Variants in ZNF407 observed in about 807,000 individuals in gnomAD.
ZNF407 encodes zinc finger protein 407.
A neutral mutation model predicts 131.2 loss-of-function variants in ZNF407; 17 were observed. The ratio of observed to expected loss-of-function variants is 0.13; its 90% CI spans 0.09 to 0.19. ZNF407 has a LOEUF of 0.19. ZNF407 is among the 10% of genes least tolerant of loss of function. The pLI is 1.00. For missense variants in ZNF407, 2,681 were observed against 2,830.6 expected (o/e 0.95, Z 1.20); for synonymous variants, 1,156 against 1,062.0 (o/e 1.09, Z -1.72).
rs60849247 is a variant in ZNF407, at chr18:74,777,221, AT to A, written c.4803-4196del. On this transcript the variant is annotated intron_variant, in intron 3 of 8. Coordinates refer to ENST00000299687, the MANE Select transcript of ZNF407 (RefSeq NM_017757.3). ...TATTTTGAAATATTGTTAAAATAAG[AT>A]TTTTTTTTTTAAACTGGAGTGTAGG... Among the ~76,000 whole-genome samples, 992 of 149,676 alleles carry A rather than the reference AT, an allele frequency of 6.6e-3. 9 individuals carry two copies. Among genetic ancestry groups the A allele is most frequent in the African/African-American group, 0.022 (915 of 40,946 alleles).
At chr18:74,599,099 TATTAAG>T (rs958659081) in intron 1 of ZNF407, among the ~76,000 whole-genome samples, 12 of 152,194 alleles carry the variant, frequency 7.9e-5, no homozygotes, top group African/African-American at 2.9e-4. Flanking sequence ...ATCAGAACCT[TATTAAG>T]AAGAGCTTAT....
intron 8 of ZNF407, among the ~76,000 whole-genome samples, chr18:74,982,283 A>C (rs1261965695): frequency 6.6e-6 from 1 of 152,232 alleles, no homozygotes; most frequent in Non-Finnish European, 1.5e-5. Flanking sequence ...AAGACAATCT[A>C]ACCTTAAAGC....
chr18:74,737,007 T>G (rs1314062618), intron 3 of ZNF407, among the ~76,000 whole-genome samples: 1 of 152,196 alleles, frequency 6.6e-6, no homozygotes, highest in African/African-American at 2.4e-5. Context: ...ATTATAAAGT[T>G]TCTTCATCTT....
chr18:74,869,684 A>G (rs1410290770), intron 4 of ZNF407, among the ~76,000 whole-genome samples: 1 of 152,144 alleles, frequency 6.6e-6, no homozygotes, highest in Non-Finnish European at 1.5e-5. Flanking sequence ...CAATCCAGCA[A>G]TTGGTAAACT....
chr18:74,750,838 A>C (rs491932), intron 3 of ZNF407, among the ~76,000 whole-genome samples: 147,693 of 152,258 alleles, frequency 0.97, 71,774 homozygotes, highest in East Asian at 1. Flanking sequence ...TGTATCCTCA[A>C]CAAGACTTGT....
At chr18:74,967,558 C>T (rs893023545) in intron 8 of ZNF407, among the ~76,000 whole-genome samples, 1 of 152,080 alleles carries the variant, frequency 6.6e-6, no homozygotes, top group Admixed American at 6.6e-5. Flanking sequence ...TATTTCTTTT[C>T]TGATTCCAGA....
In ZNF407 at chr18:74,602,137, T is replaced by C. The variant is rs954941238; in HGVS notation, c.-54+4200T>C. On this transcript the variant is annotated intron_variant, in intron 1 of 8. Transcript: ENST00000299687. ...TAATTGTACTAACTCCCTGCTTACT[T>C]GATTATCTTGCAATTCCAACTACCT... Among the ~76,000 whole-genome samples the C allele has an allele frequency of 6.6e-5, 10 of 152,184 alleles. No homozygotes were observed. In the East Asian group the frequency reaches 1.9e-3, roughly 29 times the overall value.
chr18:75,041,612 G>A (rs1266936027), intron 8 of ZNF407, among the ~76,000 whole-genome samples: 2 of 137,050 alleles, frequency 1.5e-5, no homozygotes, highest in Admixed American at 7.7e-5. Flanking sequence ...GCATGTGTGT[G>A]CATGCACGTG....
At chr18:75,041,411 A>G (rs115996950) in intron 8 of ZNF407, among the ~76,000 whole-genome samples, 3,000 of 152,254 alleles carry the variant, frequency 0.02, 37 homozygotes, top group Non-Finnish European at 0.024. Flanking sequence ...GTCCACACAC[A>G]TGCACTTTCC....
chr18:74,792,288 A>G (rs1207798504), intron 4 of ZNF407, among the ~76,000 whole-genome samples: 1 of 152,064 alleles, frequency 6.6e-6, no homozygotes, highest in Non-Finnish European at 1.5e-5. Context: ...ATTATGGGAA[A>G]CAGCAGATTC....
At chr18:74,641,491 C>T (rs1984714890) in intron 3 of ZNF407, among the ~76,000 whole-genome samples, 1 of 151,946 alleles carries the variant, frequency 6.6e-6, no homozygotes, top group African/African-American at 2.4e-5. Flanking sequence ...TGCTGTACTG[C>T]TTCAATTTTT....
chr18:74,632,425 A>G lies in ZNF407; in HGVS notation c.1406A>G (p.Lys469Arg). 6.2e-7 allele frequency: 1 copy of G among 1,614,060 alleles called. No individual in the cohort carries two copies. Among genetic ancestry groups the G allele is most frequent in the Non-Finnish European group, 8.5e-7 (1 of 1,179,902 alleles). Residue 469 changes from lysine (K) to arginine (R), a missense_variant, in exon 2 of 9, where the codon AAA becomes AGA. Lys to Arg is a conservative substitution (Grantham distance 26). This residue lies in a region of ZNF407 where 1,789 missense variants were observed against 1,748.7 expected (regional missense o/e 1.02). Coordinates refer to ENST00000299687, the MANE Select transcript of ZNF407 (RefSeq NM_017757.3). ...MYMKHLRTQM[K>R]THDAESVLKH... ...ATGAAACACTTGAGAACACAGATGA[A>G]AACACACGATGCAGAATCAGTGCTG...
chr18:74,908,964 A>C (rs2628113), intron 7 of ZNF407, among the ~76,000 whole-genome samples: 1 of 151,804 alleles, frequency 6.6e-6, no homozygotes, highest in Non-Finnish European at 1.5e-5. Context: ...TTTAATTTAC[A>C]TAAAGATTTT....
chr18:74,741,051 G>T (rs180957478), intron 3 of ZNF407, among the ~76,000 whole-genome samples: 2 of 152,156 alleles, frequency 1.3e-5, no homozygotes, highest in Admixed American at 6.5e-5. Flanking sequence ...ATCACAGGAA[G>T]TTTGAGATTA....
intron 1 of ZNF407, among the ~76,000 whole-genome samples, chr18:74,611,915 C>T (rs1001590762): frequency 6.6e-6 from 1 of 152,106 alleles, no homozygotes; most frequent in Non-Finnish European, 1.5e-5. Flanking sequence ...GAAACTCATG[C>T]GCATGAGTGC....
At chr18:74,820,968 C>T (rs116528969) in intron 4 of ZNF407, among the ~76,000 whole-genome samples, 1 of 152,056 alleles carries the variant, frequency 6.6e-6, no homozygotes. Context: ...CAGCACCAGT[C>T]GTAGGCAGAA....
chr18:74,895,907 C>T (rs2145202697), intron 7 of ZNF407, among the ~76,000 whole-genome samples: 1 of 152,280 alleles, frequency 6.6e-6, no homozygotes, highest in Middle Eastern at 3.4e-3. Flanking sequence ...TTTCCTTTTG[C>T]TTCCTGTGCA....
At chr18:75,004,825 T>C (rs577377500) in intron 8 of ZNF407, among the ~76,000 whole-genome samples, 5 of 152,340 alleles carry the variant, frequency 3.3e-5, no homozygotes, top group Admixed American at 2.6e-4. Flanking sequence ...TCCCAAGTGC[T>C]TTCCTTAGCT....
At chr18:74,912,827 A>G (rs532788593) in intron 7 of ZNF407, among the ~76,000 whole-genome samples, 2 of 152,356 alleles carry the variant, frequency 1.3e-5, no homozygotes, top group Admixed American at 1.3e-4. Flanking sequence ...TCTGTCCTAA[A>G]GAGCCAGTCT....
Sources: gnomAD v4.1 joint callset for allele counts (sites outside exome capture counted in the v4.1 genomes callset) on GRCh38, gnomAD v4.1.1 for gene constraint, gnomAD v4.1.1 regional missense constraint, MANE v1.5 for transcripts, NCBI Gene and HGNC (gene_info 2026-07-23, HGNC 2026-07-21) for gene names.